JAKMIP2: variants seen among roughly 807,000 people sequenced by gnomAD.
JAKMIP2 encodes the protein janus kinase and microtubule interacting protein 2.
JAKMIP2 carries 25 observed loss-of-function variants against 115.0 expected under a neutral mutation model. The ratio of observed to expected loss-of-function variants is 0.22; its 90% CI spans 0.16 to 0.30. JAKMIP2 has a LOEUF of 0.30. JAKMIP2 is among the 10% of genes least tolerant of loss of function. The probability of loss-of-function intolerance (pLI) is 1.00; values close to 1 mark genes in which losing one functional copy is unlikely to be tolerated. For synonymous variants in JAKMIP2, 334 were observed against 343.6 expected (o/e 0.97, Z 0.31); for missense variants, 642 against 957.6 (o/e 0.67, Z 4.35).
At chr5:147,777,165 C>A (rs1561589481) in intron 1 of JAKMIP2, among the ~76,000 whole-genome samples, 2 of 152,172 alleles carry the variant, frequency 1.3e-5, no homozygotes, top group South Asian at 4.2e-4. Flanking sequence ...TAATTTAATA[C>A]CCATTGTAAG....
Position 147,671,874 on chromosome 5 carries a change from T to C in JAKMIP2, c.-68A>G. The stretch of plus-strand genomic sequence containing the variant: ...AAGCAGGTGCTGCCATGTTACTGTT[T>C]CTTATCCTGGAGTACGATGTCTCAG... On this transcript the variant is annotated 5_prime_UTR_variant, in exon 2 of 22. Transcript: ENST00000616793. 6.9e-7 allele frequency: 1 copy of C among 1,441,018 alleles called. No homozygotes were observed. The highest frequency in any genetic ancestry group is 1.6e-5 in the South Asian group (1 of 63,194). 89.3% of individuals were successfully genotyped at this position (1,441,018 alleles called of 1,614,324 possible).
chr5:147,609,155 G>A (rs1346533454), intron 20 of JAKMIP2, among the ~76,000 whole-genome samples: 12 of 152,082 alleles, frequency 7.9e-5, no homozygotes, highest in Non-Finnish European at 2.9e-5. Flanking sequence ...CCTTTTAATT[G>A]GGGCATTTAG....
At chr5:147,674,132 AC>A (rs1311019562) in intron 1 of JAKMIP2, among the ~76,000 whole-genome samples, 1 of 151,876 alleles carries the variant, frequency 6.6e-6, no homozygotes, top group Non-Finnish European at 1.5e-5. Flanking sequence ...GTCCCCCCAA[AC>A]CTTATTCCCC....
intron 1 of JAKMIP2, among the ~76,000 whole-genome samples, chr5:147,680,946 T>A (rs1397477405): frequency 6.6e-6 from 1 of 152,178 alleles, no homozygotes; most frequent in Non-Finnish European, 1.5e-5. Flanking sequence ...CAATTTTGCA[T>A]CTTTTGGATT....
chr5:147,644,358 A>G (rs1017622872), intron 6 of JAKMIP2, among the ~76,000 whole-genome samples, 160 bp from the exon 7 acceptor site: 1 of 152,244 alleles, frequency 6.6e-6, no homozygotes, highest in African/African-American at 2.4e-5. Flanking sequence ...AGCACATTTT[A>G]TCTGCCATAA....
intron 19 of JAKMIP2, among the ~76,000 whole-genome samples, chr5:147,617,521 A>G (rs1756646340): frequency 6.6e-6 from 1 of 152,136 alleles, no homozygotes; most frequent in African/African-American, 2.4e-5. Flanking sequence ...TCTCTTTTAC[A>G]CTATTCGGAT....
chr5:147,745,175 C>T (rs944515819), intron 1 of JAKMIP2, among the ~76,000 whole-genome samples: 2 of 95,162 alleles, frequency 2.1e-5, no homozygotes, highest in East Asian at 5.9e-4. Flanking sequence ...AACAAACCGA[C>T]CTTGGCGGAT....
intron 3 of JAKMIP2, among the ~76,000 whole-genome samples, chr5:147,653,913 T>G (rs1758536128): frequency 6.6e-6 from 1 of 152,218 alleles, no homozygotes; most frequent in Admixed American, 6.5e-5. Context: ...GGATCCAGTT[T>G]CAGTTTTCTG....
At chr5:147,660,549 T>TAC (rs1758905310) in intron 3 of JAKMIP2, 1 of 403,744 alleles carries the variant, frequency 2.5e-6, no homozygotes, top group Admixed American at 2.8e-5. Context: ...AAACAAACAA[T>TAC]AAAACTCTAC....
Position 147,750,561 on chromosome 5 carries a change from T to TACACACAC in JAKMIP2, c.-149+31887_-149+31894dup, listed in dbSNP as rs151015424. Among the ~76,000 whole-genome samples the TACACACAC allele has an allele frequency of 6.8e-3, 977 of 142,880 alleles. 5 individuals are homozygous for TACACACAC. The highest frequency in any genetic ancestry group is 0.021 in the Middle Eastern group (6 of 288). 93.7% of individuals were successfully genotyped at this position (142,880 alleles called of 152,430 possible). A position where few individuals can be genotyped will look rare whatever the true frequency, so the allele number is the denominator to read the frequency against. On this transcript the variant is annotated intron_variant, in intron 1 of 21. Transcript: ENST00000616793. ...AGATATCACTCATGGTGCCAGAAAA[T>TACACACAC]ACACACACACACACACACACACACA...
At chr5:147,676,144 T>C (rs896209670) in intron 1 of JAKMIP2, among the ~76,000 whole-genome samples, 1 of 152,038 alleles carries the variant, frequency 6.6e-6, no homozygotes, top group African/African-American at 2.4e-5. Flanking sequence ...CCATGCTGGC[T>C]AACGCGGTGA....
intron 1 of JAKMIP2, among the ~76,000 whole-genome samples, chr5:147,716,270 GT>G (rs1752990334): frequency 8.5e-6 from 1 of 118,314 alleles, no homozygotes; most frequent in Non-Finnish European, 1.7e-5. Context: ...TTGGTTCCAA[GT>G]CTTTGCTATT....
chr5:147,734,395 C>T (rs958277733), intron 1 of JAKMIP2, among the ~76,000 whole-genome samples: 1 of 150,892 alleles, frequency 6.6e-6, no homozygotes, highest in South Asian at 2.1e-4. Flanking sequence ...AGCAAACTAA[C>T]ACAGGAACAG....
At chr5:147,722,442 T>G (rs892143974) in intron 1 of JAKMIP2, among the ~76,000 whole-genome samples, 6 of 152,192 alleles carry the variant, frequency 3.9e-5, no homozygotes, top group African/African-American at 1.4e-4. Context: ...AGTAGCAGCT[T>G]TTTCCTAAAA....
intron 1 of JAKMIP2, among the ~76,000 whole-genome samples, chr5:147,758,010 C>T (rs1463425416): frequency 6.6e-6 from 1 of 152,052 alleles, no homozygotes; most frequent in Non-Finnish European, 1.5e-5. Flanking sequence ...TAAGCTGTAT[C>T]ATGTGCTATT....
At chr5:147,670,007 G>A (rs1759498712) in intron 2 of JAKMIP2, among the ~76,000 whole-genome samples, 1 of 152,202 alleles carries the variant, frequency 6.6e-6, no homozygotes, top group South Asian at 2.1e-4. Context: ...GAGACACTGT[G>A]ACATTTAAAT....
intron 3 of JAKMIP2, among the ~76,000 whole-genome samples, chr5:147,654,455 A>G (rs147839099): frequency 0.014 from 2,161 of 151,846 alleles, 29 homozygotes; most frequent in Non-Finnish European, 0.018. Context: ...ATTCCTAGGT[A>G]TTTTATTCTC....
chr5:147,720,278 A>C (rs1185821828), intron 1 of JAKMIP2, among the ~76,000 whole-genome samples: 1 of 151,820 alleles, frequency 6.6e-6, no homozygotes, highest in Non-Finnish European at 1.5e-5. Context: ...GGCTGCCCTT[A>C]ACATTTTTTC....
At chr5:147,647,022 T>C (rs1246269642) in intron 5 of JAKMIP2, among the ~76,000 whole-genome samples, 1 of 152,032 alleles carries the variant, frequency 6.6e-6, no homozygotes, top group Non-Finnish European at 1.5e-5. Flanking sequence ...TCAATCAAAC[T>C]GCAACTAATA....
Sources: allele counts gnomAD v4.1 joint callset (sites outside exome capture counted in the v4.1 genomes callset), GRCh38; gene constraint gnomAD v4.1.1; transcripts MANE v1.5; gene names NCBI Gene and HGNC (gene_info 2026-07-23, HGNC 2026-07-21).